CSNK2A1: variants seen among roughly 807,000 people sequenced by gnomAD.
The protein encoded by CSNK2A1 is casein kinase II subunit alpha.
Under a neutral mutation model 62.9 loss-of-function variants are expected in CSNK2A1, and 10 were observed. That is an observed-to-expected ratio of 0.16 (90% CI 0.10 to 0.27). The LOEUF (loss-of-function observed/expected upper bound fraction) is 0.27, where lower values mean the gene tolerates loss of function less well. Ranked by LOEUF, CSNK2A1 falls within the 10% of genes least tolerant of loss-of-function variation. The probability of loss-of-function intolerance (pLI) is 1.00; values close to 1 mark genes in which losing one functional copy is unlikely to be tolerated. For missense variants in CSNK2A1, 160 were observed against 492.0 expected (o/e 0.33, Z 6.38); for synonymous variants, 124 against 167.8 (o/e 0.74, Z 2.02).
intron 2 of CSNK2A1, among the ~76,000 whole-genome samples, chr20:514,555 C>T (rs2018790620): frequency 6.6e-6 from 1 of 152,040 alleles, no homozygotes; most frequent in Non-Finnish European, 1.5e-5. Flanking sequence ...AATCCTCCCA[C>T]CTCAGCCTCC....
intron 2 of CSNK2A1, among the ~76,000 whole-genome samples, chr20:521,696 GT>G (rs1254032503): frequency 6.6e-6 from 1 of 152,236 alleles, no homozygotes; most frequent in Non-Finnish European, 1.5e-5. Flanking sequence ...GGTTTGCCAT[GT>G]GATGCTTAGC....
At chr20:540,387 T>A (rs1248726316) in intron 1 of CSNK2A1, among the ~76,000 whole-genome samples, 1 of 152,244 alleles carries the variant, frequency 6.6e-6, no homozygotes, top group East Asian at 1.9e-4. Flanking sequence ...TGGCTTTCCA[T>A]ATAACCATAG....
At chr20:532,476 CTTT>C (rs1415031871) in intron 1 of CSNK2A1, among the ~76,000 whole-genome samples, 1 of 151,844 alleles carries the variant, frequency 6.6e-6, no homozygotes. Context: ...TGCTCCCAGT[CTTT>C]TTTACAGTCA....
At chr20:531,288 A>G (rs1248392278) in intron 1 of CSNK2A1, among the ~76,000 whole-genome samples, 1 of 152,180 alleles carries the variant, frequency 6.6e-6, no homozygotes, top group Non-Finnish European at 1.5e-5. Flanking sequence ...CCTGCTGGAT[A>G]TGCTAAGCTG....
chr20:493,349 T>C (rs1468944707), intron 8 of CSNK2A1, among the ~76,000 whole-genome samples: 1 of 152,146 alleles, frequency 6.6e-6, no homozygotes, highest in Non-Finnish European at 1.5e-5. Context: ...TTCTCCTAAC[T>C]GGTCTCACTG....
intron 6 of CSNK2A1, chr20:498,658 T>C (rs926999666): frequency 6.6e-6 from 1 of 152,254 alleles, no homozygotes; most frequent in Non-Finnish European, 1.5e-5. Context: ...GATACTGGAC[T>C]GGTGGAAAGG....
Position 543,744 on chromosome 20 carries a change from AGGAGACACAC to A in CSNK2A1, c.-309_-300del. 2.5e-6 allele frequency: 1 copy of A among 398,330 alleles called. No homozygotes were observed. Among genetic ancestry groups the A allele is most frequent in the Non-Finnish European group, 4.4e-6 (1 of 225,956 alleles). The allele number at this position is 398,330 out of a possible 1,614,324, so 24.7% of individuals were successfully genotyped here. On this transcript the variant is annotated 5_prime_UTR_variant, in exon 1 of 14. Transcript: ENST00000217244. ...ACAGACAATATGGCGGCGATGGAGGAGGAGACACACGGCTCGGCCGCCAGCCGCAGGGACC... is the reference window on the plus strand; with the variant it reads ...ACAGACAATATGGCGGCGATGGAGGAGGCTCGGCCGCCAGCCGCAGGGACC...
At position 499,420 on chromosome 20, in the gene CSNK2A1, T is replaced by C; in HGVS notation, c.316-115A>G. On this transcript the variant is annotated intron_variant, in intron 5 of 13. Transcript: ENST00000217244. The surrounding 1 kb of genome is among the most constrained non-coding windows in gnomAD (Gnocchi z 4.2). ...AATTTGGCAGTCCTCGCCTCAGTAG[T>C]AAGAAACCCTCTATTGCTACAAGCC... The C allele has an allele frequency of 2.3e-6, 2 of 853,862 alleles. No individual in the cohort carries two copies. The highest frequency in any genetic ancestry group is 2.6e-5 in the Admixed American group (1 of 37,952). 52.9% of individuals were successfully genotyped at this position (853,862 alleles called of 1,614,324 possible).
rs1184506366 is a variant in CSNK2A1, at chr20:475,672, A to G, written c.*8289T>C. 1 of 133,886 alleles carries G rather than the reference A, an allele frequency of 7.5e-6. No homozygotes were observed. The highest frequency in any genetic ancestry group is 2.8e-5 in the African/African-American group (1 of 36,104). The allele number at this position is 133,886 out of a possible 1,614,324, so 8.3% of individuals were successfully genotyped here. ...ATAAAGTTTTCCCAACACAGGCTCT[A>G]TGCTTCCCTACTGCACTGATGTTGG... On this transcript the variant is annotated 3_prime_UTR_variant, in exon 14 of 14. Transcript: ENST00000217244.
At chr20:539,584 C>T (rs2019405636) in intron 1 of CSNK2A1, 1 of 152,200 alleles carries the variant, frequency 6.6e-6, no homozygotes, top group South Asian at 2.1e-4. Flanking sequence ...AGATAATCTA[C>T]CTAAGATCCT....
chr20:515,306 G>A (rs1468904179), intron 2 of CSNK2A1, among the ~76,000 whole-genome samples: 1 of 152,190 alleles, frequency 6.6e-6, no homozygotes, highest in Admixed American at 6.5e-5. Context: ...TGCCATTCAT[G>A]GAGATAAGAG....
intron 1 of CSNK2A1, among the ~76,000 whole-genome samples, chr20:536,324 G>A (rs947716774): frequency 6.6e-6 from 1 of 152,142 alleles, no homozygotes; most frequent in African/African-American, 2.4e-5. Context: ...TCTCCGAAAG[G>A]GAAGGGAAAG....
chr20:505,983 T>G (rs1164849296), intron 3 of CSNK2A1: 1 of 149,476 alleles, frequency 6.7e-6, no homozygotes, highest in Non-Finnish European at 1.5e-5. Context: ...CACGCCATTC[T>G]CCTGCCTCAG....
At chr20:541,445 T>A (rs540562884) in intron 1 of CSNK2A1, among the ~76,000 whole-genome samples, 7 of 152,114 alleles carry the variant, frequency 4.6e-5, no homozygotes, top group Non-Finnish European at 1.0e-4. Context: ...TTTAACAGAG[T>A]GTGAAGTAAA....
intron 8 of CSNK2A1, chr20:495,480 C>G (rs992736841): frequency 2.3e-6 from 1 of 431,164 alleles, no homozygotes; most frequent in Non-Finnish European, 4.2e-6. Context: ...GCCACGTTTC[C>G]GGGCTTAGAA....
chr20:542,816 T>A (rs951644398), intron 1 of CSNK2A1, among the ~76,000 whole-genome samples: 2 of 152,126 alleles, frequency 1.3e-5, no homozygotes, highest in Non-Finnish European at 2.9e-5. Flanking sequence ...CCCAAATAAT[T>A]TGCCACCTTC....
At chr20:490,136 A>G (rs2018186441) in intron 9 of CSNK2A1, among the ~76,000 whole-genome samples, 1 of 151,104 alleles carries the variant, frequency 6.6e-6, no homozygotes, top group African/African-American at 2.4e-5. Flanking sequence ...GGTTCAAGCA[A>G]TTCTCCTGCC....
chr20:503,109 T>A (rs2122553931), intron 4 of CSNK2A1: 1 of 176,794 alleles, frequency 5.7e-6, no homozygotes, highest in African/African-American at 2.3e-5. Context: ...AACTCCAGTC[T>A]CCAACGTATG....
At chr20:510,597 T>C (rs1242093771) in intron 2 of CSNK2A1, among the ~76,000 whole-genome samples, 1 of 152,170 alleles carries the variant, frequency 6.6e-6, no homozygotes, top group East Asian at 1.9e-4. Flanking sequence ...CATGTGTATA[T>C]ATATAGCACA....
Sources: gnomAD v4.1 joint callset for allele counts (sites outside exome capture counted in the v4.1 genomes callset) on GRCh38, gnomAD v4.1.1 for gene constraint, Gnocchi (gnomAD v3.1) non-coding constraint, MANE v1.5 for transcripts, NCBI Gene and HGNC (gene_info 2026-07-23, HGNC 2026-07-21) for gene names.